The following KIF26B variants were observed in gnomAD, a reference collection of about 807,000 sequenced individuals.
The protein encoded by KIF26B is kinesin-like protein KIF26B.
Under a neutral mutation model 151.2 loss-of-function variants are expected in KIF26B, and 63 were observed. The observed-to-expected ratio is 0.42, with a 90% CI of 0.34 to 0.51. KIF26B has a LOEUF of 0.51. KIF26B is among the 20% of genes least tolerant of loss of function. KIF26B has a pLI of 0.07. For missense variants in KIF26B, 2,813 were observed against 2,913.6 expected, an observed-to-expected ratio of 0.97 and a Z score of 0.79; for synonymous variants, 1,357 against 1,262.1, an observed-to-expected ratio of 1.08 and a Z score of -1.59.
At chr1:245,263,742 AG>A (rs752503971) in intron 2 of KIF26B, among the ~76,000 whole-genome samples, 23 of 152,244 alleles carry the variant, frequency 1.5e-4, no homozygotes, top group Admixed American at 3.3e-4. Context: ...CTTCTCCTAG[AG>A]TCTAGCATCC....
At chr1:245,242,899 C>G (rs955637189) in intron 2 of KIF26B, among the ~76,000 whole-genome samples, 11 of 149,470 alleles carry the variant, frequency 7.4e-5, no homozygotes, top group Admixed American at 7.2e-4. Flanking sequence ...ATCTGCCCGC[C>G]TTGGCCTCCC....
intron 5 of KIF26B, among the ~76,000 whole-genome samples, chr1:245,582,605 G>A (rs1288400689): frequency 6.6e-6 from 1 of 152,082 alleles, no homozygotes; most frequent in Non-Finnish European, 1.5e-5. Flanking sequence ...CAATTTATAT[G>A]CAATAGGCTG....
intron 2 of KIF26B, among the ~76,000 whole-genome samples, chr1:245,325,588 G>C (rs963919091): frequency 2.6e-5 from 4 of 152,090 alleles, no homozygotes; most frequent in Non-Finnish European, 5.9e-5. Flanking sequence ...GTGCATGCCT[G>C]TAATCCCAGC....
rs59105829 is a variant in KIF26B, at chr1:245,586,909, A to AG, written c.1351-15668_1351-15667insG. 3.5e-3 allele frequency among the ~76,000 whole-genome samples: 514 copies of AG among 147,036 alleles called. 3 individuals are homozygous for AG. The highest frequency in any genetic ancestry group is 5.0e-3 in the Non-Finnish European group (332 of 66,464). On this transcript the variant is annotated intron_variant, in intron 5 of 14. Transcript: ENST00000407071. ...CTCCGTCTCAAAAAAAAAAAAAAAAACATCAAACAATACTCACTGAGCCCT... is the reference window on the plus strand; with the variant it reads ...CTCCGTCTCAAAAAAAAAAAAAAAAAGCATCAAACAATACTCACTGAGCCCT...
At chr1:245,634,830 C>T (rs2043817881) in intron 9 of KIF26B, among the ~76,000 whole-genome samples, 1 of 152,092 alleles carries the variant, frequency 6.6e-6, no homozygotes, top group Non-Finnish European at 1.5e-5. Context: ...CCTTCCATCT[C>T]AGCCTCCCAA....
In KIF26B at chr1:245,195,473, T is replaced by A. The variant is rs569291397; in HGVS notation, c.465+38790T>A. ...TTATGGTCTTTGAACTACACATTGC[T>A]TGAATTCCTTGGGAGACGTGGGTCA... On this transcript the variant is annotated intron_variant, in intron 2 of 14. Coordinates refer to ENST00000407071, the MANE Select transcript of KIF26B (RefSeq NM_018012.4). Among the ~76,000 whole-genome samples, 3 of 152,314 alleles carry A rather than the reference T, an allele frequency of 2.0e-5. No homozygotes were observed. The East Asian group carries it at 5.8e-4, about 29-fold the overall frequency.
At chr1:245,413,219 C>G (rs555164567) in intron 3 of KIF26B, among the ~76,000 whole-genome samples, 71 of 152,304 alleles carry the variant, frequency 4.7e-4, no homozygotes, top group African/African-American at 1.6e-3. Flanking sequence ...GATAATGAGG[C>G]CTTTCCACTA....
intron 12 of KIF26B, among the ~76,000 whole-genome samples, chr1:245,697,116 C>A (rs2008747): frequency 0.67 from 101,718 of 151,948 alleles, 35,513 homozygotes; most frequent in Middle Eastern, 0.79. Flanking sequence ...CTCTCAAAAA[C>A]AGTGAGGTTT....
At chr1:245,388,399 A>T (rs1284045583) in intron 3 of KIF26B, among the ~76,000 whole-genome samples, 1 of 152,196 alleles carries the variant, frequency 6.6e-6, no homozygotes, top group East Asian at 1.9e-4. Flanking sequence ...TTAATTCCTG[A>T]AGCAAAAGCC....
chr1:245,156,708 G>A (rs1253520331), intron 2 of KIF26B, 25 bp downstream of exon 2: 1 of 1,373,416 alleles, frequency 7.3e-7, no homozygotes, highest in Admixed American at 3.3e-5. Flanking sequence ...GGGCTGGCTG[G>A]GGAGGCGCCG....
chr1:245,686,965 G>C lies in KIF26B; in HGVS notation c.3982G>C (p.Val1328Leu). 1.2e-6 allele frequency: 2 copies of C among 1,613,562 alleles called. 1 individual carries two copies. Among genetic ancestry groups the C allele is most frequent in the South Asian group, 2.2e-5 (2 of 90,992 alleles). Residue 1328 changes from valine to leucine, a missense_variant, in exon 12 of 15, where the codon GTG becomes CTG. Transcript: ENST00000407071. This position sits in a 1 kb window ranked among gnomAD's most constrained non-coding sequence, Gnocchi z 5.6. ...FVSSLQNTAV[V>L]CREKPKASPD... is the part of the protein sequence containing the mutation. ...CAGCAGCCTCCAGAACACCGCTGTGGTGTGCAGAGAGAAGCCCAAGGCCAG... is the reference window on the plus strand; with the variant it reads ...CAGCAGCCTCCAGAACACCGCTGTGCTGTGCAGAGAGAAGCCCAAGGCCAG...
At chr1:245,362,517 A>G (rs1173848) in intron 2 of KIF26B, among the ~76,000 whole-genome samples, 57,114 of 150,646 alleles carry the variant, frequency 0.38, 12,852 homozygotes, top group South Asian at 0.5. Flanking sequence ...CAGTCTTGCG[A>G]CAGAGCAAGA....
rs1235522392 is a variant in KIF26B at position 245,358,344 on chromosome 1, C to A, written c.466-8490C>A. ...GACCATCCTGGCTAGCAGAGTGAAACCCTGTCTCTAATAAAAATACAAAAT... is the reference window on the plus strand; with the variant it reads ...GACCATCCTGGCTAGCAGAGTGAAAACCTGTCTCTAATAAAAATACAAAAT... On this transcript the variant is annotated intron_variant, in intron 2 of 14. Coordinates refer to ENST00000407071, the MANE Select transcript of KIF26B (RefSeq NM_018012.4). The surrounding 1 kb of genome is among the most constrained non-coding windows in gnomAD (Gnocchi z 4.1). Among the ~76,000 whole-genome samples, 2 of 152,222 alleles carry A rather than the reference C, an allele frequency of 1.3e-5. No individual in the cohort carries two copies. The highest frequency in any genetic ancestry group is 2.1e-4 in the South Asian group (1 of 4,820).
chr1:245,156,300 C>T lies in KIF26B; in HGVS notation c.82C>T (p.Pro28Ser), dbSNP rs371147522. Reference protein sequence around the residue: ...KKYGVNEVCSPTKPAAPFSPE... With the variant: ...KKYGVNEVCSSTKPAAPFSPE... ...CCCGCAGGTGAATGAAGTCTGCTCG[C>T]CCACCAAGCCCGCAGCGCCCTTCTC... The change falls in exon 2 of 15, where the codon CCC becomes TCC. Residue 28 changes from proline to serine, a missense_variant. This residue lies in a region of KIF26B where 676 missense variants were observed against 688.1 expected (regional missense o/e 0.98). Transcript: ENST00000407071. 9.1e-5 allele frequency: 141 copies of T among 1,547,220 alleles called. No individual in the cohort carries two copies. The highest frequency in any genetic ancestry group is 1.2e-4 in the Non-Finnish European group (138 of 1,146,048).
At chr1:245,587,846 G>T (rs1490860597) in intron 5 of KIF26B, among the ~76,000 whole-genome samples, 2 of 152,170 alleles carry the variant, frequency 1.3e-5, no homozygotes, top group Admixed American at 1.3e-4. Context: ...AAGAGAAAAG[G>T]CCTGGTGAGA....
At chr1:245,315,787 G>T (rs1671760569) in intron 2 of KIF26B, among the ~76,000 whole-genome samples, 1 of 152,042 alleles carries the variant, frequency 6.6e-6, no homozygotes, top group African/African-American at 2.4e-5. Context: ...TACTCAAGAG[G>T]CTGCTGACGT....
intron 10 of KIF26B, among the ~76,000 whole-genome samples, chr1:245,653,682 G>T (rs12735597): frequency 7.2e-5 from 11 of 151,852 alleles, no homozygotes; most frequent in Admixed American, 7.2e-4. Flanking sequence ...TATTGTGCTC[G>T]GTCAACATTT....
chr1:245,302,919 G>T (rs1472635864), intron 2 of KIF26B, among the ~76,000 whole-genome samples: 4 of 148,212 alleles, frequency 2.7e-5, no homozygotes, highest in African/African-American at 1.0e-4. Context: ...AACCTTGGGG[G>T]CGGAGGTTGC....
chr1:245,383,904 G>A (rs540183236), intron 3 of KIF26B, among the ~76,000 whole-genome samples: 1 of 152,288 alleles, frequency 6.6e-6, no homozygotes, highest in South Asian at 2.1e-4. Flanking sequence ...TCCTGAACGT[G>A]TGCCTGGGTT....
Sources: allele counts gnomAD v4.1 joint callset (sites outside exome capture counted in the v4.1 genomes callset), GRCh38; gene constraint gnomAD v4.1.1; regional missense constraint gnomAD v4.1.1; non-coding constraint Gnocchi (gnomAD v3.1); transcripts MANE v1.5; gene names NCBI Gene and HGNC (gene_info 2026-07-23, HGNC 2026-07-21).